ZNF808: variants seen among roughly 807,000 people sequenced by gnomAD.
ZNF808 encodes the protein zinc finger protein 808.
Under a neutral mutation model 8.7 loss-of-function variants are expected in ZNF808, and 5 were observed. That is an observed-to-expected ratio of 0.58 (90% CI 0.30 to 1.21). The LOEUF (loss-of-function observed/expected upper bound fraction) is 1.21. Ranked by LOEUF, ZNF808 falls within the 50% of genes most tolerant of loss-of-function variation. ZNF808 has a pLI of 0.07. For missense variants in ZNF808, 1,103 were observed against 1,098.4 expected (o/e 1.00, Z -0.06); for synonymous variants, 380 against 366.0 (o/e 1.04, Z -0.44).
intron 1 of ZNF808, among the ~76,000 whole-genome samples, chr19:52,530,896 C>A (rs1465795285): frequency 6.6e-6 from 1 of 151,920 alleles, no homozygotes; most frequent in East Asian, 2.0e-4. Flanking sequence ...TTACTTGGAC[C>A]CGGCTGGGAG....
chr19:52,556,982 G>T (rs867789849), downstream of ZNF808, among the ~76,000 whole-genome samples: 14 of 151,060 alleles, frequency 9.3e-5, no homozygotes, highest in Middle Eastern at 6.8e-3. Flanking sequence ...TTGTTTGTTT[G>T]TTTTTTTTTA....
downstream of ZNF808, among the ~76,000 whole-genome samples, chr19:52,568,152 G>A (rs967449215): frequency 2.6e-5 from 4 of 152,128 alleles, no homozygotes; most frequent in African/African-American, 9.7e-5. Context: ...CGGGCGGATC[G>A]CCTGACGTCA....
chr19:52,561,549 ATT>A (rs111353368), intron 3 of ZNF808, among the ~76,000 whole-genome samples: 3 of 142,992 alleles, frequency 2.1e-5, no homozygotes, highest in Admixed American at 7.1e-5. Context: ...TTGCCTCCAG[ATT>A]TTTTTTTTTT....
intron 1 of ZNF808, among the ~76,000 whole-genome samples, chr19:52,531,165 G>A (rs1360816068): frequency 1.3e-5 from 2 of 152,056 alleles, no homozygotes; most frequent in East Asian, 1.9e-4. Context: ...GCTCTTTAAT[G>A]TCTCCCTTTA....
Position 52,555,244 on chromosome 19 carries a change from A to G in ZNF808, c.2328A>G (p.Ser776=). ...NDCGNTFRHW[S]SLVYHRRLHT... is the part of the protein sequence containing the mutation. ...GTGGCAATACCTTCCGTCACTGGTC[A>G]TCCCTTGTATACCATCGTAGACTTC... is the stretch of plus-strand genomic sequence containing the variant. Residue 776 remains serine, a synonymous_variant, in exon 5 of 5, where the codon TCA becomes TCG. Transcript: ENST00000359798. 6.2e-7 allele frequency: 1 copy of G among 1,614,118 alleles called. No homozygotes were observed. The highest frequency in any genetic ancestry group is 8.5e-7 in the Non-Finnish European group (1 of 1,180,030).
intron 2 of ZNF808, among the ~76,000 whole-genome samples, chr19:52,539,890 G>GCA (rs1420588801): frequency 3.8e-4 from 58 of 151,986 alleles, no homozygotes; most frequent in African/African-American, 1.4e-3. Flanking sequence ...TGTTTCCCAG[G>GCA]CTGGAGTGCA....
chr19:52,547,786 A>G (rs1600008641), intron 4 of ZNF808, 148 bp downstream of exon 4: 1 of 1,397,352 alleles, frequency 7.2e-7, no homozygotes, highest in Non-Finnish European at 9.3e-7. Context: ...CTTGTTTCCC[A>G]GGCTGGAGAG....
At chr19:52,567,855 C>A (rs2059876686), downstream of ZNF808, among the ~76,000 whole-genome samples, 1 of 152,010 alleles carries the variant, frequency 6.6e-6, no homozygotes, top group African/African-American at 2.4e-5. Flanking sequence ...AGTAATTAAA[C>A]CTTTTTTCAG....
Position 52,554,377 on chromosome 19 carries a change from G to C in ZNF808, c.1461G>C (p.Glu487Asp), listed in dbSNP as rs1160431888. ...GAGAGAAAACTTACAAGTGTAATGA[G>C]TGTCGCAAGACCTTCAGCCGCAGGT... ...HTGEKTYKCNECRKTFSRRSS... is the reference protein window; with the variant it reads ...HTGEKTYKCNDCRKTFSRRSS... Residue 487 changes from glutamate to aspartate, a missense_variant, in exon 5 of 5, where the codon GAG (glutamate) becomes GAC (aspartate). Coordinates refer to ENST00000359798, the MANE Select transcript of ZNF808 (RefSeq NM_001039886.4). The C allele has an allele frequency of 6.2e-7, 1 of 1,613,834 alleles. No homozygotes were observed. Among genetic ancestry groups the C allele is most frequent in the East Asian group, 2.2e-5 (1 of 44,812 alleles).
At chr19:52,533,036 C>A (rs1047981141) in intron 2 of ZNF808, 27 bp downstream of exon 2, 2 of 152,356 alleles carry the variant, frequency 1.3e-5, no homozygotes. Flanking sequence ...CTATCTCAAA[C>A]AAACAAGCCA....
At chr19:52,561,206 CTCTCTCTA>C (rs1416555678), downstream of ZNF808, among the ~76,000 whole-genome samples, 826 of 34,898 alleles carry the variant, frequency 0.024, 3 homozygotes, top group Non-Finnish European at 0.033. Context: ...CTCTCTCTCT[CTCTCTCTA>C]TATATATATA....
chr19:52,555,092 C>T lies in ZNF808; in HGVS notation c.2176C>T (p.Arg726Cys), dbSNP rs1289909162. Reference sequence around the variant, plus strand: ...TAACAGGTCATCCCTTGTATGCCATCGTAGAATTCATAGTGGTGAGAAACC... The same window carrying T: ...TAACAGGTCATCCCTTGTATGCCATTGTAGAATTCATAGTGGTGAGAAACC... ...FSNRSSLVCH[R>C]RIHSGEKPYK... Residue 726 changes from arginine (R) to cysteine (C), a missense_variant, in exon 5 of 5, where the codon CGT becomes TGT. Arg to Cys is a radical substitution (Grantham distance 180). Coordinates refer to ENST00000359798, the MANE Select transcript of ZNF808 (RefSeq NM_001039886.4). 1.1e-5 allele frequency: 18 copies of T among 1,613,826 alleles called. No homozygotes were observed. Among genetic ancestry groups the T allele is most frequent in the East Asian group, 4.5e-5 (2 of 44,878 alleles).
downstream of ZNF808, among the ~76,000 whole-genome samples, chr19:52,567,701 T>C (rs2059876348): frequency 6.6e-6 from 1 of 151,660 alleles, no homozygotes; most frequent in African/African-American, 2.4e-5. Context: ...ATTTTTATAT[T>C]TGTAGTAGAG....
intron 2 of ZNF808, among the ~76,000 whole-genome samples, chr19:52,534,450 TC>T (rs2059586935): frequency 6.6e-6 from 1 of 152,346 alleles, no homozygotes; most frequent in African/African-American, 2.4e-5. Flanking sequence ...TGCCTCTATT[TC>T]CCATCACATT....
intron 3 of ZNF808, among the ~76,000 whole-genome samples, chr19:52,545,413 G>A (rs2059711349): frequency 6.6e-6 from 1 of 151,864 alleles, no homozygotes; most frequent in Non-Finnish European, 1.5e-5. Flanking sequence ...TTTGCAATAA[G>A]TTTTATTTTT....
At chr19:52,542,206 G>T (rs1253974000) in intron 2 of ZNF808, among the ~76,000 whole-genome samples, 1 of 151,888 alleles carries the variant, frequency 6.6e-6, no homozygotes, top group Non-Finnish European at 1.5e-5. Flanking sequence ...GGATTCTCCT[G>T]CGTCAGACAC....
intron 3 of ZNF808, among the ~76,000 whole-genome samples, chr19:52,545,409 A>G (rs118125856): frequency 6.6e-5 from 10 of 152,184 alleles, no homozygotes; most frequent in African/African-American, 2.2e-4. Flanking sequence ...AACATTTGCA[A>G]TAAGTTTTAT....
downstream of ZNF808, among the ~76,000 whole-genome samples, chr19:52,561,208 CTCTCTATATATA>C (rs1439684363): frequency 0.025 from 808 of 32,348 alleles, 7 homozygotes; most frequent in Middle Eastern, 0.056. Context: ...CTCTCTCTCT[CTCTCTATATATA>C]TATATATATA....
chr19:52,543,354 T>G lies in ZNF808; in HGVS notation c.63+7T>G. On this transcript the variant is annotated splice_region_variant and intron_variant, in intron 3 of 4. Transcript: ENST00000359798. Reference sequence around the variant, plus strand: ...AGGCATGGCTCTTCCTCAGGTGAAGTGATATTCCTCTGTGGATTAATCTGT... The same window carrying G: ...AGGCATGGCTCTTCCTCAGGTGAAGGGATATTCCTCTGTGGATTAATCTGT... 1 of 1,612,372 alleles carries G rather than the reference T, an allele frequency of 6.2e-7. No homozygotes were observed. The highest frequency in any genetic ancestry group is 2.2e-5 in the East Asian group (1 of 44,880).
Sources: allele counts gnomAD v4.1 joint callset (sites outside exome capture counted in the v4.1 genomes callset), GRCh38; gene constraint gnomAD v4.1.1; transcripts MANE v1.5; gene names NCBI Gene and HGNC (gene_info 2026-07-23, HGNC 2026-07-21).